ST3GAL4: variants seen among roughly 807,000 people sequenced by gnomAD.
ST3GAL4 encodes ST3 beta-galactoside alpha-2,3-sialyltransferase 4.
Under a neutral mutation model 42.6 loss-of-function variants are expected in ST3GAL4, and 24 were observed. The ratio of observed to expected loss-of-function variants is 0.56; its 90% CI spans 0.41 to 0.79. The LOEUF is 0.79. Ranked by LOEUF, ST3GAL4 falls within the 30% of genes least tolerant of loss-of-function variation. The probability of loss-of-function intolerance (pLI) is 0.00; values close to 1 mark genes in which losing one functional copy is unlikely to be tolerated. For missense variants in ST3GAL4, 311 were observed against 430.8 expected (o/e 0.72, Z 2.46); for synonymous variants, 135 against 163.2 (o/e 0.83, Z 1.32).
Position 126,391,936 on chromosome 11 carries a change from C to CATGTGTGTGTGTGTGTGTGTGTGTGT in ST3GAL4, c.-60-14160_-60-14159insATGTGTGTGTGTGTGTGTGTGTGTGT, listed in dbSNP as rs147051433. 6.9e-6 allele frequency among the ~76,000 whole-genome samples: 1 copy of CATGTGTGTGTGTGTGTGTGTGTGTGT among 144,392 alleles called. No homozygotes were observed. The highest frequency in any genetic ancestry group is 6.9e-5 in the Admixed American group (1 of 14,500). The allele number at this position is 144,392 out of a possible 152,430, so 94.7% of individuals were successfully genotyped here. On this transcript the variant is annotated intron_variant, in intron 1 of 10. Transcript: ENST00000444328. The surrounding 1 kb of genome is among the most constrained non-coding windows in gnomAD (Gnocchi z 5.5). The stretch of plus-strand genomic sequence containing the variant: ...CTCAGAACACCTGTGATAACTTGGT[C>CATGTGTGTGTGTGTGTGTGTGTGTGT]GTGTGTGTGTGTGTGTGTGTGTGTG...
In ST3GAL4 at chr11:126,409,451, GC is replaced by G. The variant is rs1401917201; in HGVS notation, c.771+41del. 1 of 1,613,736 alleles carries G rather than the reference GC, an allele frequency of 6.2e-7. No individual in the cohort carries two copies. The highest frequency in any genetic ancestry group is 8.5e-7 in the Non-Finnish European group (1 of 1,179,730). Reference sequence around the variant, plus strand: ...TCAGGCCTGAGGGCTAGGATCCTGGGCGGGAAGTAGGAGGGATGATCCTATG... The same window carrying G: ...TCAGGCCTGAGGGCTAGGATCCTGGGGGGAAGTAGGAGGGATGATCCTATG... On this transcript the variant is annotated intron_variant, in intron 9 of 10. Coordinates refer to ENST00000444328, the MANE Select transcript of ST3GAL4 (RefSeq NM_001254757.2). The surrounding 1 kb of genome is among the most constrained non-coding windows in gnomAD (Gnocchi z 4.9).
In ST3GAL4 at chr11:126,397,988, A is replaced by G. The variant is rs1953848411; in HGVS notation, c.-60-8108A>G. On this transcript the variant is annotated intron_variant, in intron 1 of 10. Coordinates refer to ENST00000444328, the MANE Select transcript of ST3GAL4 (RefSeq NM_001254757.2). The surrounding 1 kb of genome is among the most constrained non-coding windows in gnomAD (Gnocchi z 5.0). ...ACATGAACTTTGAGGGACACATTCAAACCATAGCATTCTGCCCCAGTCCCC... is the reference window on the plus strand; with the variant it reads ...ACATGAACTTTGAGGGACACATTCAGACCATAGCATTCTGCCCCAGTCCCC... Among the ~76,000 whole-genome samples the G allele has an allele frequency of 6.6e-6, 1 of 152,218 alleles. No homozygotes were observed. The highest frequency in any genetic ancestry group is 1.5e-5 in the Non-Finnish European group (1 of 68,030).
intron 1 of ST3GAL4, among the ~76,000 whole-genome samples, chr11:126,361,697 G>A (rs1275954644): frequency 6.6e-6 from 1 of 151,994 alleles, no homozygotes; most frequent in Non-Finnish European, 1.5e-5. Context: ...GACCTCAGTG[G>A]GGCTCAGGCT....
At chr11:126,374,275 A>T (rs767738866) in intron 1 of ST3GAL4, among the ~76,000 whole-genome samples, 9 of 151,816 alleles carry the variant, frequency 5.9e-5, no homozygotes, top group Non-Finnish European at 1.0e-4. Flanking sequence ...AACATGGGGA[A>T]ACCCCGTTCC....
chr11:126,361,060 C>T (rs958476611), intron 1 of ST3GAL4, among the ~76,000 whole-genome samples: 5 of 152,206 alleles, frequency 3.3e-5, no homozygotes, highest in Non-Finnish European at 7.3e-5. Context: ...ATTCCACCCA[C>T]CACAGGGTCG....
In ST3GAL4 at chr11:126,409,494, G is replaced by A. The variant is rs1046468300; in HGVS notation, c.771+83G>A. The A allele has an allele frequency of 5.3e-5, 83 of 1,575,848 alleles. No homozygotes were observed. The highest frequency in any genetic ancestry group is 2.4e-4 in the Admixed American group (14 of 58,046). ...GATCCTATGGGCTTAGGAAGCCCTG[G>A]AAGGATCCCATAACAGAGGCGGCGG... On this transcript the variant is annotated intron_variant, in intron 9 of 10. Transcript: ENST00000444328. This position sits in a 1 kb window ranked among gnomAD's most constrained non-coding sequence, Gnocchi z 4.9.
chr11:126,407,857 C>G (rs924790567), intron 6 of ST3GAL4, among the ~76,000 whole-genome samples: 2 of 152,082 alleles, frequency 1.3e-5, no homozygotes, highest in African/African-American at 2.4e-5. Flanking sequence ...GATACACCCC[C>G]CCATGCCTTC....
chr11:126,402,263 A>C (rs11220475), intron 1 of ST3GAL4, among the ~76,000 whole-genome samples: 67,175 of 151,550 alleles, frequency 0.44, 15,390 homozygotes, highest in East Asian at 0.62. Flanking sequence ...GGACACCAGC[A>C]TGGGCAACAT....
Position 126,406,048 on chromosome 11 carries a change from A to G in ST3GAL4, c.-60-48A>G, listed in dbSNP as rs758779436. ...GTGTGTCCTGCTCCAGTGTCTAGGC[A>G]GGAGAGTTTGTGAAGCTGACCGGAC... On this transcript the variant is annotated intron_variant, in intron 1 of 10. Transcript: ENST00000444328. The surrounding 1 kb of genome is among the most constrained non-coding windows in gnomAD (Gnocchi z 5.4). The G allele has an allele frequency of 1.3e-6, 2 of 1,547,226 alleles. No individual in the cohort carries two copies. The highest frequency in any genetic ancestry group is 2.4e-5 in the East Asian group (1 of 40,916).
intron 1 of ST3GAL4, among the ~76,000 whole-genome samples, chr11:126,395,606 A>C (rs12284180): frequency 0.19 from 28,588 of 151,992 alleles, 2,943 homozygotes; most frequent in Non-Finnish European, 0.24. Context: ...CTGGTGGGAG[A>C]TAATTGAATC....
intron 1 of ST3GAL4, among the ~76,000 whole-genome samples, chr11:126,361,090 C>G (rs1169326114): frequency 6.6e-6 from 1 of 152,138 alleles, no homozygotes; most frequent in Non-Finnish European, 1.5e-5. Flanking sequence ...ATTTCTCTAC[C>G]CATCACCCCT....
At chr11:126,371,494 A>G (rs949492885) in intron 1 of ST3GAL4, among the ~76,000 whole-genome samples, 1 of 152,134 alleles carries the variant, frequency 6.6e-6, no homozygotes, top group African/African-American at 2.4e-5. Context: ...AGCACGCACT[A>G]TTTACAAATA....
At chr11:126,367,974 C>G (rs1168840264) in intron 1 of ST3GAL4, among the ~76,000 whole-genome samples, 2 of 151,602 alleles carry the variant, frequency 1.3e-5, no homozygotes, top group Non-Finnish European at 2.9e-5. Context: ...ATGGTGAAAC[C>G]CCATCTCTAC....
chr11:126,367,001 A>G (rs1363059763), intron 1 of ST3GAL4, among the ~76,000 whole-genome samples: 2 of 152,028 alleles, frequency 1.3e-5, no homozygotes, highest in Non-Finnish European at 2.9e-5. Flanking sequence ...TGTCATCTGC[A>G]GAGGGAGCAC....
intron 5 of ST3GAL4, 84 bp downstream of exon 5, chr11:126,407,433 C>G: frequency 6.4e-7 from 1 of 1,566,564 alleles, no homozygotes; most frequent in Non-Finnish European, 8.8e-7. Context: ...GGCCCCAGTG[C>G]CCAAGTTCTG....
Position 126,386,424 on chromosome 11 carries a change from A to T in ST3GAL4, c.-60-19672A>T, listed in dbSNP as rs1322689439. On this transcript the variant is annotated intron_variant, in intron 1 of 10. Coordinates refer to ENST00000444328, the MANE Select transcript of ST3GAL4 (RefSeq NM_001254757.2). This position sits in a 1 kb window ranked among gnomAD's most constrained non-coding sequence, Gnocchi z 4.7. Reference sequence around the variant, plus strand: ...TTTCTGCTGACCTGTCCAGCCTCACAGTCTGGGGAGGCCTTGGGGTCCCCA... The same window carrying T: ...TTTCTGCTGACCTGTCCAGCCTCACTGTCTGGGGAGGCCTTGGGGTCCCCA... Among the ~76,000 whole-genome samples the T allele has an allele frequency of 6.6e-6, 1 of 152,006 alleles. No individual in the cohort carries two copies. Among genetic ancestry groups the T allele is most frequent in the Non-Finnish European group, 1.5e-5 (1 of 68,000 alleles).
rs59029262 is a variant in ST3GAL4, at chr11:126,377,479, CT to C, written c.-61+21656del. On this transcript the variant is annotated intron_variant, in intron 1 of 10. Transcript: ENST00000444328. ...AGCCACCGTGCCTGGCCAACACCTT[CT>C]TTTTTTTTTTTTTTTTTTGAGATAC... 1.6e-3 allele frequency among the ~76,000 whole-genome samples: 194 copies of C among 117,636 alleles called. 1 individual carries two copies. Among genetic ancestry groups the C allele is most frequent in the Middle Eastern group, 5.7e-3 (1 of 176 alleles). The allele number at this position is 117,636 out of a possible 152,430, so 77.2% of individuals were successfully genotyped here.
chr11:126,404,063 G>C (rs1443500655), intron 1 of ST3GAL4, among the ~76,000 whole-genome samples: 1 of 152,092 alleles, frequency 6.6e-6, no homozygotes, highest in Non-Finnish European at 1.5e-5. Flanking sequence ...AATTTTTTTT[G>C]TTTAAGTACT....
chr11:126,404,799 ACT>A (rs1305318834), intron 1 of ST3GAL4, among the ~76,000 whole-genome samples: 1 of 151,932 alleles, frequency 6.6e-6, no homozygotes, highest in Non-Finnish European at 1.5e-5. Flanking sequence ...CTGACTCAAG[ACT>A]CTGATCCTTC....
Sources: allele counts gnomAD v4.1 joint callset (sites outside exome capture counted in the v4.1 genomes callset), GRCh38; gene constraint gnomAD v4.1.1; non-coding constraint Gnocchi (gnomAD v3.1); transcripts MANE v1.5; gene names NCBI Gene and HGNC (gene_info 2026-07-23, HGNC 2026-07-21).